The following ATP10B variants were observed in gnomAD, a reference collection of about 807,000 sequenced individuals.
ATP10B encodes the protein ATPase phospholipid transporting 10B (putative).
Under a neutral mutation model 141.2 loss-of-function variants are expected in ATP10B, and 122 were observed. That is an observed-to-expected ratio of 0.86 (90% CI 0.75 to 1.00). The LOEUF is 1.00. ATP10B is among the 50% of genes least tolerant of loss of function. The pLI, the probability that ATP10B is intolerant of heterozygous loss-of-function variation, is 0.00. For synonymous variants in ATP10B, 685 were observed against 692.0 expected (o/e 0.99, Z 0.16); for missense variants, 1,876 against 1,825.3 (o/e 1.03, Z -0.51).
the ATP10B span, among the ~76,000 whole-genome samples, chr5:160,890,471 C>T: frequency 6.6e-6 from 1 of 152,202 alleles, no homozygotes; most frequent in African/African-American, 2.4e-5. Flanking sequence ...TCCCTGGCAA[C>T]CACTCAGCTG....
At chr5:160,603,737 T>C (rs535048078) in intron 20 of ATP10B, 104 of 515,772 alleles carry the variant, frequency 2.0e-4, no homozygotes, top group African/African-American at 1.7e-3. Flanking sequence ...AATGGGAAAA[T>C]TTAGCAGTCA....
chr5:160,667,681 G>A (rs909965483), intron 7 of ATP10B, among the ~76,000 whole-genome samples: 1 of 152,072 alleles, frequency 6.6e-6, no homozygotes, highest in African/African-American at 2.4e-5. Flanking sequence ...TAAATAGGCT[G>A]GTCTATAGCA....
At chr5:160,881,578 C>A in the ATP10B span, among the ~76,000 whole-genome samples, 2 of 151,998 alleles carry the variant, frequency 1.3e-5, no homozygotes, top group South Asian at 4.2e-4. Context: ...TTTGGGAGGC[C>A]GAGGCGGGTG....
At chr5:160,904,743 T>C in the ATP10B span, among the ~76,000 whole-genome samples, 1 of 152,176 alleles carries the variant, frequency 6.6e-6, no homozygotes. Context: ...CATAGGAACG[T>C]GGGGGCTGGT....
the ATP10B span, among the ~76,000 whole-genome samples, chr5:160,905,981 A>G: frequency 2.0e-5 from 3 of 152,148 alleles, no homozygotes. Context: ...ACAAATTTCC[A>G]GAGACCTGCC....
Position 160,653,461 on chromosome 5 carries a change from ATATG to A in ATP10B, c.676-4209_676-4206del, listed in dbSNP as rs1297098372. On this transcript the variant is annotated intron_variant, in intron 7 of 25. Transcript: ENST00000327245. Reference sequence around the variant, plus strand: ...ATACATACATAGGTAGTATATATACATATGTACATACATACATAGGTAGTATATA... The same window carrying A: ...ATACATACATAGGTAGTATATATACATACATACATACATAGGTAGTATATA... Among the ~76,000 whole-genome samples the A allele has an allele frequency of 3.2e-5, 2 of 61,770 alleles. 1 individual carries two copies. Among genetic ancestry groups the A allele is most frequent in the Non-Finnish European group, 6.5e-5 (2 of 30,550 alleles). The allele number at this position is 61,770 out of a possible 152,430, so 40.5% of individuals were successfully genotyped here. A position where few individuals can be genotyped will look rare whatever the true frequency, so the allele number is the denominator to read the frequency against.
intron 2 of ATP10B, among the ~76,000 whole-genome samples, chr5:160,764,206 A>G (rs1392232304): frequency 6.6e-6 from 1 of 152,138 alleles, no homozygotes; most frequent in East Asian, 1.9e-4. Flanking sequence ...AAATCATTCT[A>G]TGAAGCCAGT....
intron 24 of ATP10B, among the ~76,000 whole-genome samples, chr5:160,581,953 A>G (rs977197616): frequency 1.2e-4 from 19 of 152,128 alleles, no homozygotes; most frequent in Admixed American, 1.2e-3. Flanking sequence ...CTGTTTTATC[A>G]GAGACTAGGA....
chr5:160,917,265 A>AATT, the ATP10B span, among the ~76,000 whole-genome samples: 257 of 102,094 alleles, frequency 2.5e-3, 1 homozygote, highest in African/African-American at 0.012. Flanking sequence ...ATTCTAGGGT[A>AATT]CTTCTTTTTT....
chr5:160,636,100 A>T (rs1376934797), intron 11 of ATP10B, 82 bp downstream of exon 11: 5 of 1,447,016 alleles, frequency 3.5e-6, no homozygotes. Flanking sequence ...AGTGGCCAGC[A>T]CTGTTTTTTC....
At chr5:160,585,480 A>C (rs1211621581) in intron 24 of ATP10B, among the ~76,000 whole-genome samples, 1 of 152,150 alleles carries the variant, frequency 6.6e-6, no homozygotes, top group East Asian at 1.9e-4. Flanking sequence ...GGCACGCGCC[A>C]TAGTCCCAGC....
At chr5:160,858,243 TTGTTC>T in the ATP10B span, among the ~76,000 whole-genome samples, 1 of 151,952 alleles carries the variant, frequency 6.6e-6, no homozygotes, top group African/African-American at 2.4e-5. Flanking sequence ...GTAATTTTCT[TTGTTC>T]TGAAGTTTAC....
rs1338989460 is a variant in ATP10B at position 160,591,083 on chromosome 5, G to A, written c.3621C>T (p.Leu1207=). 6.2e-7 allele frequency: 1 copy of A among 1,613,896 alleles called. No homozygotes were observed. Among genetic ancestry groups the A allele is most frequent in the Non-Finnish European group, 8.5e-7 (1 of 1,179,926 alleles). Residue 1207 remains leucine (L), a synonymous_variant, in exon 23 of 26, where the codon CTC becomes CTT. Coordinates refer to ENST00000327245, the MANE Select transcript of ATP10B (RefSeq NM_025153.3). ...CCAGGTAAGGGATAAAGAAACAGAT[G>A]AGGCTCTGGTAGAATGCATCCACCA... is the stretch of plus-strand genomic sequence containing the variant. The part of the protein sequence containing the change: ...ISMVDAFYQS[L]ICFFIPYLAY...
upstream of ATP10B, among the ~76,000 whole-genome samples, chr5:160,856,645 G>A (rs868268160): frequency 1.3e-5 from 2 of 151,746 alleles, no homozygotes; most frequent in South Asian, 2.1e-4. Flanking sequence ...TATATTGTAT[G>A]TAGATGATTT....
chr5:160,651,372 T>G (rs1281412642), intron 7 of ATP10B, among the ~76,000 whole-genome samples: 2 of 152,098 alleles, frequency 1.3e-5, no homozygotes, highest in Non-Finnish European at 2.9e-5. Flanking sequence ...GAAACACAAC[T>G]TGAGGTGGGG....
At chr5:160,753,974 C>A (rs1381273961) in intron 2 of ATP10B, among the ~76,000 whole-genome samples, 1 of 152,116 alleles carries the variant, frequency 6.6e-6, no homozygotes, top group Non-Finnish European at 1.5e-5. Context: ...GCCTATTAAA[C>A]CCTTACAACA....
In ATP10B at chr5:160,755,877, ATT is replaced by A. The variant is rs1186650002; in HGVS notation, c.-331+29680_-331+29681del. On this transcript the variant is annotated intron_variant, in intron 2 of 25. Coordinates refer to ENST00000327245, the MANE Select transcript of ATP10B (RefSeq NM_025153.3). ...TATATATATATATATATATATATAT[ATT>A]ATAATTTTATGGAACCACTGTCATA... 7.0e-4 allele frequency among the ~76,000 whole-genome samples: 80 copies of A among 114,108 alleles called. 1 individual carries two copies. In the East Asian group the frequency reaches 0.016, roughly 23 times the overall value. The allele number at this position is 114,108 out of a possible 152,430, so 74.9% of individuals were successfully genotyped here.
rs568239817 is a variant in ATP10B, at chr5:160,785,769, C to T, written c.-541G>A. The T allele has an allele frequency of 9.9e-7, 1 of 1,007,272 alleles. No individual in the cohort carries two copies. Among genetic ancestry groups the T allele is most frequent in the South Asian group, 1.6e-5 (1 of 62,720 alleles). The allele number at this position is 1,007,272 out of a possible 1,614,324, so 62.4% of individuals were successfully genotyped here. A position where few individuals can be genotyped will look rare whatever the true frequency, so the allele number is the denominator to read the frequency against. ...CTGTTGCTTTCATTGAAACAAATGTCACCAGTCGGTTCTGATTCTCTTGTC... is the reference window on the plus strand; with the variant it reads ...CTGTTGCTTTCATTGAAACAAATGTTACCAGTCGGTTCTGATTCTCTTGTC... On this transcript the variant is annotated 5_prime_UTR_variant, in exon 2 of 26. Coordinates refer to ENST00000327245, the MANE Select transcript of ATP10B (RefSeq NM_025153.3).
chr5:160,708,502 T>C (rs1030429909), intron 3 of ATP10B, among the ~76,000 whole-genome samples: 2 of 152,216 alleles, frequency 1.3e-5, no homozygotes, highest in African/African-American at 4.8e-5. Context: ...TGCTTCTTAA[T>C]TGTCCAGGCT....
Sources: gnomAD v4.1 joint callset for allele counts (sites outside exome capture counted in the v4.1 genomes callset) on GRCh38, gnomAD v4.1.1 for gene constraint, MANE v1.5 for transcripts, NCBI Gene and HGNC (gene_info 2026-07-23, HGNC 2026-07-21) for gene names.